Variants in KHDRBS2 observed in about 807,000 individuals in gnomAD.
The protein encoded by KHDRBS2 is KH domain-containing, RNA-binding, signal transduction-associated protein 2.
A neutral mutation model predicts 44.3 loss-of-function variants in KHDRBS2; 26 were observed. The ratio of observed to expected loss-of-function variants is 0.59; its 90% confidence interval spans 0.43 to 0.81. The LOEUF is 0.81. KHDRBS2 is among the 40% of genes least tolerant of loss of function. The pLI is 0.00. For missense variants in KHDRBS2, 476 were observed against 433.1 expected (o/e 1.10, Z -0.88); for synonymous variants, 194 against 151.1 (o/e 1.28, Z -2.08).
chr6:61,931,999 A>G (rs1810144191), intron 4 of KHDRBS2, among the ~76,000 whole-genome samples: 1 of 152,180 alleles, frequency 6.6e-6, no homozygotes, highest in Non-Finnish European at 1.5e-5. Flanking sequence ...TGTTTTCACT[A>G]GCTTACTTTA....
chr6:62,215,862 C>G (rs901784743), intron 1 of KHDRBS2, among the ~76,000 whole-genome samples: 1 of 151,534 alleles, frequency 6.6e-6, no homozygotes, highest in South Asian at 2.1e-4. Flanking sequence ...TGGGATCTTA[C>G]TTAAATGAGA....
At chr6:61,561,699 G>C in the KHDRBS2 span, among the ~76,000 whole-genome samples, 3 of 152,188 alleles carry the variant, frequency 2.0e-5, no homozygotes, top group Admixed American at 1.3e-4. Flanking sequence ...TCTTCGGTCA[G>C]CTTGTGGTGA....
the KHDRBS2 span, among the ~76,000 whole-genome samples, chr6:61,583,650 T>G: frequency 6.6e-6 from 1 of 151,682 alleles, no homozygotes; most frequent in Non-Finnish European, 1.5e-5. Flanking sequence ...GAGTAAGTTT[T>G]TCAATTTTGT....
intron 2 of KHDRBS2, among the ~76,000 whole-genome samples, chr6:62,130,914 C>T (rs1245318300): frequency 6.6e-6 from 1 of 152,036 alleles, no homozygotes; most frequent in African/African-American, 2.4e-5. Context: ...GAATGTACAT[C>T]ATTTTCATAC....
chr6:62,098,601 C>A (rs755822327), intron 2 of KHDRBS2, among the ~76,000 whole-genome samples: 17 of 152,074 alleles, frequency 1.1e-4, no homozygotes, highest in Non-Finnish European at 2.1e-4. Context: ...TTTGAGAGAT[C>A]AATTATGATA....
At chr6:62,141,776 C>T (rs752940909) in intron 2 of KHDRBS2, among the ~76,000 whole-genome samples, 4 of 151,988 alleles carry the variant, frequency 2.6e-5, no homozygotes, top group East Asian at 1.9e-4. Context: ...GGATTTCCTT[C>T]GATAATTTTC....
the KHDRBS2 span, among the ~76,000 whole-genome samples, chr6:61,629,988 T>C: frequency 6.6e-6 from 1 of 152,216 alleles, no homozygotes; most frequent in Non-Finnish European, 1.5e-5. Context: ...CAAATAGTAC[T>C]TTCAACCATT....
chr6:62,116,571 A>C (rs1487791092), intron 2 of KHDRBS2, among the ~76,000 whole-genome samples: 4 of 152,216 alleles, frequency 2.6e-5, no homozygotes, highest in Non-Finnish European at 5.9e-5. Context: ...GGTAATTAGA[A>C]TATCCATCAC....
At chr6:61,569,904 T>C in the KHDRBS2 span, among the ~76,000 whole-genome samples, 1 of 152,164 alleles carries the variant, frequency 6.6e-6, no homozygotes, top group Non-Finnish European at 1.5e-5. Flanking sequence ...AATTACCCCA[T>C]GAGACAAAAG....
At chr6:62,153,389 T>G (rs895155072) in intron 2 of KHDRBS2, among the ~76,000 whole-genome samples, 1 of 152,174 alleles carries the variant, frequency 6.6e-6, no homozygotes, top group Non-Finnish European at 1.5e-5. Flanking sequence ...CCAAGCATAT[T>G]TCATCTCAAA....
chr6:62,264,951 C>T (rs1838952423), intron 1 of KHDRBS2, among the ~76,000 whole-genome samples: 1 of 151,694 alleles, frequency 6.6e-6, no homozygotes, highest in African/African-American at 2.4e-5. Context: ...ACATCCCTGC[C>T]CCTACCCACT....
At chr6:62,066,134 T>A (rs1368061139) in intron 2 of KHDRBS2, among the ~76,000 whole-genome samples, 1 of 147,962 alleles carries the variant, frequency 6.8e-6, no homozygotes, top group Non-Finnish European at 1.5e-5. Flanking sequence ...ATTAAAAATA[T>A]CATTATTAAG....
In KHDRBS2 at chr6:62,066,157, T is replaced by C. The variant is rs149274184; in HGVS notation, c.220-18163A>G. On this transcript the variant is annotated intron_variant, in intron 2 of 8. Transcript: ENST00000281156. ...TATCATTATTAAGTGAAAACTATTA[T>C]ATTAACAAACAGTCCTAATCTTAAT... Among the ~76,000 whole-genome samples, 5 of 151,882 alleles carry C rather than the reference T, an allele frequency of 3.3e-5. No individual in the cohort carries two copies. The East Asian group carries it at 9.8e-4, about 30-fold the overall frequency.
At chr6:62,040,533 C>A (rs1786247841) in intron 3 of KHDRBS2, among the ~76,000 whole-genome samples, 1 of 152,012 alleles carries the variant, frequency 6.6e-6, no homozygotes, top group South Asian at 2.1e-4. Flanking sequence ...GATAGGAAGA[C>A]TTGAGTAGCT....
intron 1 of KHDRBS2, among the ~76,000 whole-genome samples, chr6:62,282,324 C>T (rs1345669162): frequency 6.6e-6 from 1 of 152,058 alleles, no homozygotes; most frequent in Non-Finnish European, 1.5e-5. Flanking sequence ...TTGAAAATAG[C>T]GCCTACAGTT....
At chr6:62,217,892 G>T (rs962546740) in intron 1 of KHDRBS2, among the ~76,000 whole-genome samples, 3 of 151,778 alleles carry the variant, frequency 2.0e-5, no homozygotes, top group African/African-American at 7.2e-5. Context: ...TTTCAAAACT[G>T]TCCAACTGGA....
intron 3 of KHDRBS2, among the ~76,000 whole-genome samples, chr6:61,996,715 T>G (rs1562607024): frequency 6.6e-6 from 1 of 152,182 alleles, no homozygotes; most frequent in Non-Finnish European, 1.5e-5. Flanking sequence ...CACATATAAC[T>G]TTAATATCTT....
intron 1 of KHDRBS2, among the ~76,000 whole-genome samples, chr6:62,195,547 T>G (rs1241764925): frequency 6.6e-6 from 1 of 152,200 alleles, no homozygotes; most frequent in African/African-American, 2.4e-5. Flanking sequence ...ACATTTGTTA[T>G]AAAGCATGGC....
intron 2 of KHDRBS2, among the ~76,000 whole-genome samples, chr6:62,079,274 A>G (rs1796946756): frequency 6.6e-6 from 1 of 151,860 alleles, no homozygotes; most frequent in Non-Finnish European, 1.5e-5. Context: ...AATTATTTAC[A>G]GATTTACATG....
Sources: allele counts gnomAD v4.1 joint callset (sites outside exome capture counted in the v4.1 genomes callset), GRCh38; gene constraint gnomAD v4.1.1; transcripts MANE v1.5; gene names NCBI Gene and HGNC (gene_info 2026-07-23, HGNC 2026-07-21).